AK5: variants seen among roughly 807,000 people sequenced by gnomAD.
The protein encoded by AK5 is adenylate kinase 5.
AK5 carries 27 observed loss-of-function variants against 69.5 expected under a neutral mutation model. That is an observed-to-expected ratio of 0.39 (90% confidence interval 0.29 to 0.54). AK5 has a LOEUF of 0.54. Ranked by LOEUF, AK5 falls within the 20% of genes least tolerant of loss-of-function variation. AK5 has a pLI of 0.71. For missense variants in AK5, 531 were observed against 700.4 expected, an observed-to-expected ratio of 0.76 and a Z score of 2.73; for synonymous variants, 260 against 244.4, an observed-to-expected ratio of 1.06 and a Z score of -0.60.
At chr1:77,337,742 T>C (rs1034933720) in intron 5 of AK5, among the ~76,000 whole-genome samples, 1 of 152,138 alleles carries the variant, frequency 6.6e-6, no homozygotes, top group African/African-American at 2.4e-5. Context: ...AACTTCTGAG[T>C]TGGGAGTTTA....
chr1:77,473,248 G>A (rs1203561273), intron 8 of AK5, among the ~76,000 whole-genome samples: 1 of 151,410 alleles, frequency 6.6e-6, no homozygotes, highest in East Asian at 1.9e-4. Flanking sequence ...TTGAGACAGG[G>A]TCTCTGTTGC....
chr1:77,463,859 C>T (rs1653985108), intron 8 of AK5, among the ~76,000 whole-genome samples: 1 of 152,176 alleles, frequency 6.6e-6, no homozygotes, highest in Non-Finnish European at 1.5e-5. Context: ...AAGCTTGGTT[C>T]AGGTACACTC....
At chr1:77,284,246 G>C (rs916418730) in intron 1 of AK5, among the ~76,000 whole-genome samples, 1 of 152,260 alleles carries the variant, frequency 6.6e-6, no homozygotes, top group African/African-American at 2.4e-5. Flanking sequence ...CAAGAGGGAA[G>C]GAAAATCTGG....
intron 5 of AK5, among the ~76,000 whole-genome samples, chr1:77,331,851 A>G (rs1312615782): frequency 6.6e-6 from 1 of 152,198 alleles, no homozygotes; most frequent in Non-Finnish European, 1.5e-5. Flanking sequence ...GTTTTGAATT[A>G]TGGATTTAAT....
chr1:77,320,736 G>A lies in AK5; in HGVS notation c.700-19641G>A, dbSNP rs1660488081. ...TGCACTCCAGCCTGGGTGTTGACAA[G>A]CAAGACTCTGTCTAAAAAAAAGGTA... On this transcript the variant is annotated intron_variant, in intron 5 of 13. Coordinates refer to ENST00000354567, the MANE Select transcript of AK5 (RefSeq NM_174858.3). Among the ~76,000 whole-genome samples the A allele has an allele frequency of 2.6e-5, 4 of 152,176 alleles. No individual in the cohort carries two copies. In the South Asian group the frequency reaches 8.3e-4, roughly 32 times the overall value.
chr1:77,413,658 G>T (rs1650195377), intron 7 of AK5, among the ~76,000 whole-genome samples: 1 of 152,110 alleles, frequency 6.6e-6, no homozygotes, highest in Non-Finnish European at 1.5e-5. Flanking sequence ...AAAATAAATG[G>T]TTTCTGTATG....
At chr1:77,351,022 A>C (rs992694065) in intron 6 of AK5, among the ~76,000 whole-genome samples, 1 of 152,232 alleles carries the variant, frequency 6.6e-6, no homozygotes, top group African/African-American at 2.4e-5. Flanking sequence ...ATCTTGCAGC[A>C]GTGAGGACAT....
At chr1:77,437,615 T>G (rs1364593205) in intron 8 of AK5, among the ~76,000 whole-genome samples, 1 of 152,170 alleles carries the variant, frequency 6.6e-6, no homozygotes, top group African/African-American at 2.4e-5. Context: ...GGTACAGAGG[T>G]TAAATATTCA....
chr1:77,512,425 T>A (rs1035939638), intron 10 of AK5, among the ~76,000 whole-genome samples: 1 of 152,238 alleles, frequency 6.6e-6, no homozygotes, highest in Non-Finnish European at 1.5e-5. Context: ...TATAGAGGTG[T>A]ATAACCCCCC....
intron 5 of AK5, among the ~76,000 whole-genome samples, chr1:77,320,209 G>A (rs1660455216): frequency 6.6e-6 from 1 of 152,066 alleles, no homozygotes; most frequent in Admixed American, 6.6e-5. Flanking sequence ...AACAGCATGG[G>A]GGTAAATGCC....
intron 6 of AK5, among the ~76,000 whole-genome samples, chr1:77,367,058 G>A (rs2100453080): frequency 6.6e-6 from 1 of 152,170 alleles, no homozygotes; most frequent in East Asian, 1.9e-4. Flanking sequence ...TCATTCTCAG[G>A]CAAACTTGTG....
intron 7 of AK5, among the ~76,000 whole-genome samples, chr1:77,417,257 C>G (rs570415707): frequency 6.6e-6 from 1 of 152,122 alleles, no homozygotes; most frequent in Admixed American, 6.6e-5. Context: ...ACTGCTCCCC[C>G]TCCTGGACAA....
intron 1 of AK5, among the ~76,000 whole-genome samples, 195 bp from the exon 2 acceptor site, chr1:77,286,746 C>A (rs955173043): frequency 2.6e-4 from 39 of 151,976 alleles, no homozygotes; most frequent in African/African-American, 9.2e-4. Flanking sequence ...ACTCGGGAGG[C>A]TGAGGCAGGA....
intron 6 of AK5, among the ~76,000 whole-genome samples, chr1:77,367,501 TG>T (rs1179032681): frequency 7.2e-5 from 10 of 138,156 alleles, no homozygotes; most frequent in Non-Finnish European, 1.4e-4. Flanking sequence ...TTGTTTGTTT[TG>T]TTTTTTTGTA....
At chr1:77,486,380 C>G in intron 10 of AK5, 28 bp downstream of exon 10, 1 of 1,532,950 alleles carries the variant, frequency 6.5e-7, no homozygotes, top group East Asian at 2.3e-5. Flanking sequence ...CATTTTCTAA[C>G]AATACAATTG....
intron 12 of AK5, among the ~76,000 whole-genome samples, chr1:77,523,775 A>C (rs1658125391): frequency 6.6e-6 from 1 of 152,044 alleles, no homozygotes; most frequent in Non-Finnish European, 1.5e-5. Flanking sequence ...AGGCCCAAGC[A>C]ATCCTCTCAC....
intron 8 of AK5, among the ~76,000 whole-genome samples, chr1:77,467,585 A>T (rs1276822306): frequency 1.3e-5 from 2 of 152,186 alleles, no homozygotes; most frequent in African/African-American, 4.8e-5. Flanking sequence ...TTTCTAAAAT[A>T]TATACTAATG....
chr1:77,413,431 G>A (rs1341334841), intron 7 of AK5, among the ~76,000 whole-genome samples: 3 of 152,176 alleles, frequency 2.0e-5, no homozygotes, highest in African/African-American at 4.8e-5. Flanking sequence ...ATAGCACCCT[G>A]TGACCCACAG....
At chr1:77,454,675 A>C (rs1653363802) in intron 8 of AK5, among the ~76,000 whole-genome samples, 2 of 152,384 alleles carry the variant, frequency 1.3e-5, no homozygotes, top group East Asian at 3.9e-4. Context: ...GTCAAGTTGA[A>C]TATATAACAC....
Sources: allele counts gnomAD v4.1 joint callset (sites outside exome capture counted in the v4.1 genomes callset), GRCh38; gene constraint gnomAD v4.1.1; transcripts MANE v1.5; gene names NCBI Gene and HGNC (gene_info 2026-07-23, HGNC 2026-07-21).